CADM1: variants seen among roughly 807,000 people sequenced by gnomAD.
CADM1 encodes TSLC-1.
Under a neutral mutation model 53.1 loss-of-function variants are expected in CADM1, and 15 were observed. That is an observed-to-expected ratio of 0.28 (90% CI 0.19 to 0.44). CADM1 has a LOEUF of 0.44. Among genes scored for constraint, CADM1 ranks in the 20% least tolerant of loss-of-function variants. CADM1 has a pLI of 1.00. For missense variants in CADM1, 434 were observed against 611.3 expected (o/e 0.71, Z 3.06); for synonymous variants, 281 against 243.0 (o/e 1.16, Z -1.45).
intron 1 of CADM1, among the ~76,000 whole-genome samples, chr11:115,307,516 A>T (rs1944407691): frequency 8.3e-6 from 1 of 120,388 alleles, no homozygotes; most frequent in Non-Finnish European, 1.7e-5. Flanking sequence ...AGGAAAAAAA[A>T]AATATATATA....
chr11:115,178,840 C>T lies in CADM1; in HGVS notation c.1166-65G>A, dbSNP rs953168283. The T allele has an allele frequency of 7.0e-6, 11 of 1,573,982 alleles. No homozygotes were observed. The African/African-American group carries it at 1.2e-4, about 17-fold the overall frequency. ...TACAAGGCACCAGAAGCCCCGGCGA[C>T]ACTGTCTCCAGGGTCAGAGGGTCAC... On this transcript the variant is annotated intron_variant, in intron 10 of 11. Transcript: ENST00000331581.
At chr11:115,370,292 A>C (rs1946277464) in intron 1 of CADM1, among the ~76,000 whole-genome samples, 1 of 152,172 alleles carries the variant, frequency 6.6e-6, no homozygotes, top group African/African-American at 2.4e-5. Flanking sequence ...ATAAGGAGAA[A>C]GCTTCAGGTT....
At chr11:115,453,272 G>C (rs1948613268) in intron 1 of CADM1, among the ~76,000 whole-genome samples, 1 of 151,798 alleles carries the variant, frequency 6.6e-6, no homozygotes, top group African/African-American at 2.4e-5. Context: ...AGCTACTTGG[G>C]AGATGGATTG....
chr11:115,432,077 G>A (rs1036795064), intron 1 of CADM1, among the ~76,000 whole-genome samples: 1 of 152,034 alleles, frequency 6.6e-6, no homozygotes, highest in Admixed American at 6.6e-5. Flanking sequence ...CTCCCTAGTA[G>A]CTGGGACTAC....
intron 1 of CADM1, among the ~76,000 whole-genome samples, chr11:115,274,021 T>A (rs1943376622): frequency 6.6e-6 from 1 of 152,232 alleles, no homozygotes; most frequent in South Asian, 2.1e-4. Flanking sequence ...TCTATTTTCC[T>A]CCCTGAAAAT....
At chr11:115,312,813 A>C (rs1256369669) in intron 1 of CADM1, among the ~76,000 whole-genome samples, 2 of 152,178 alleles carry the variant, frequency 1.3e-5, no homozygotes, top group Non-Finnish European at 2.9e-5. Context: ...TGTTTGTGGG[A>C]ACGTAGCAGA....
intron 1 of CADM1, among the ~76,000 whole-genome samples, chr11:115,418,925 A>T (rs1947683792): frequency 6.6e-6 from 1 of 152,228 alleles, no homozygotes; most frequent in South Asian, 2.1e-4. Context: ...TCAAGAGCCC[A>T]TTGAATCATA....
intron 9 of CADM1, among the ~76,000 whole-genome samples, chr11:115,191,208 G>A (rs4938185): frequency 1 from 151,962 of 152,382 alleles, 75,773 homozygotes; most frequent in Non-Finnish European, 1. Flanking sequence ...TCACTCATTC[G>A]TAACAGCATG....
At chr11:115,374,454 G>T (rs141299589) in intron 1 of CADM1, among the ~76,000 whole-genome samples, 1 of 152,250 alleles carries the variant, frequency 6.6e-6, no homozygotes, top group Non-Finnish European at 1.5e-5. Flanking sequence ...TATGTATATT[G>T]CACTTAAGTT....
chr11:115,324,559 G>C (rs147371486), intron 1 of CADM1, among the ~76,000 whole-genome samples: 5 of 152,108 alleles, frequency 3.3e-5, no homozygotes, highest in Non-Finnish European at 4.4e-5. Flanking sequence ...AGCAATTAAG[G>C]GTGAGGAATC....
intron 2 of CADM1, among the ~76,000 whole-genome samples, chr11:115,239,611 T>C (rs778022002): frequency 2.0e-5 from 3 of 152,070 alleles, no homozygotes; most frequent in Non-Finnish European, 4.4e-5. Context: ...TTTCCACAGG[T>C]CATGAATGAC....
At chr11:115,412,604 T>C (rs1947486160) in intron 1 of CADM1, among the ~76,000 whole-genome samples, 1 of 152,198 alleles carries the variant, frequency 6.6e-6, no homozygotes, top group African/African-American at 2.4e-5. Context: ...ATAAGACAAA[T>C]TTTAGCAGTA....
chr11:115,183,359 G>C (rs1387188927), intron 10 of CADM1, among the ~76,000 whole-genome samples: 1 of 152,218 alleles, frequency 6.6e-6, no homozygotes, highest in Non-Finnish European at 1.5e-5. Flanking sequence ...GAGATGTGTA[G>C]CATAAACCGC....
In CADM1 at chr11:115,173,639, T is replaced by C. The variant is rs938610235; in HGVS notation, c.*2835A>G. On this transcript the variant is annotated 3_prime_UTR_variant, in exon 12 of 12. Coordinates refer to ENST00000331581, the MANE Select transcript of CADM1 (RefSeq NM_001301043.2). ...AGATTAAAGGATCACTTTGTAACAT[T>C]AATTTTTTTTTATTAAGAAGACAGA... The C allele has an allele frequency of 6.1e-6, 2 of 330,010 alleles. No individual in the cohort carries two copies. Among genetic ancestry groups the C allele is most frequent in the African/African-American group, 4.5e-5 (2 of 44,914 alleles). 20.4% of individuals were successfully genotyped at this position (330,010 alleles called of 1,614,324 possible).
chr11:115,233,287 C>T (rs1012034601), intron 3 of CADM1, among the ~76,000 whole-genome samples: 1 of 152,024 alleles, frequency 6.6e-6, no homozygotes, highest in Non-Finnish European at 1.5e-5. Context: ...AAGAACTACC[C>T]TAGTCTACAT....
chr11:115,252,266 C>T (rs1224506981), intron 1 of CADM1, among the ~76,000 whole-genome samples: 3 of 152,242 alleles, frequency 2.0e-5, no homozygotes, highest in Admixed American at 1.3e-4. Context: ...TGAAGTAATG[C>T]CTATGAAAGT....
intron 1 of CADM1, among the ~76,000 whole-genome samples, chr11:115,494,314 G>A (rs1949563903): frequency 1.3e-5 from 2 of 152,102 alleles, no homozygotes; most frequent in African/African-American, 4.8e-5. Flanking sequence ...ACCTAACACA[G>A]TGTCTGGTAT....
At chr11:115,236,046 T>C (rs80075442) in intron 3 of CADM1, among the ~76,000 whole-genome samples, 3,555 of 152,266 alleles carry the variant, frequency 0.023, 129 homozygotes, top group African/African-American at 0.077. Flanking sequence ...TAGAATAGCA[T>C]AGACAACATT....
At chr11:115,363,314 A>G (rs1946078547) in intron 1 of CADM1, among the ~76,000 whole-genome samples, 1 of 152,180 alleles carries the variant, frequency 6.6e-6, no homozygotes, top group Non-Finnish European at 1.5e-5. Flanking sequence ...CTGTTCTCTG[A>G]ATGTCAGAAT....
Sources: allele counts gnomAD v4.1 joint callset (sites outside exome capture counted in the v4.1 genomes callset), GRCh38; gene constraint gnomAD v4.1.1; transcripts MANE v1.5; gene names NCBI Gene and HGNC (gene_info 2026-07-23, HGNC 2026-07-21).